The following MATCAP1 variants were observed in gnomAD, a reference collection of about 807,000 sequenced individuals.
MATCAP1 encodes the protein microtubule-associated tyrosine carboxypeptidase 1.
At chr16:67,179,200 A>G in the MATCAP1 span, 1 of 1,356,946 alleles carries the variant, frequency 7.4e-7, no homozygotes, top group East Asian at 2.9e-5. This position sits in a 1 kb window ranked among gnomAD's most constrained non-coding sequence, Gnocchi z 5.2. Context: ...AGAAAAATAT[A>G]CCCGAAAGGA....
At chr16:67,178,188 C>T in the MATCAP1 span, 1 of 1,535,876 alleles carries the variant, frequency 6.5e-7, no homozygotes, top group Non-Finnish European at 8.8e-7. Context: ...CTCCCCCGCG[C>T]TGGCGCACAC....
At chr16:67,176,595 T>G in the MATCAP1 span, 5 of 433,476 alleles carry the variant, frequency 1.2e-5, no homozygotes, top group Non-Finnish European at 2.0e-5. This position sits in a 1 kb window ranked among gnomAD's most constrained non-coding sequence, Gnocchi z 4.3. Flanking sequence ...GCGACTCAGT[T>G]TGCCAGACAT....
At chr16:67,180,609 A>G in the MATCAP1 span, 1 of 1,512,158 alleles carries the variant, frequency 6.6e-7, no homozygotes, top group South Asian at 1.3e-5. Flanking sequence ...GTCCAGCACC[A>G]TTCTGTCCTG....
the MATCAP1 span, chr16:67,180,448 G>C: frequency 2.5e-6 from 4 of 1,609,528 alleles, no homozygotes; most frequent in African/African-American, 2.7e-5. Context: ...TGCAGCGCTG[G>C]GGGGACTGCC....
the MATCAP1 span, chr16:67,180,816 C>T: frequency 4.7e-6 from 2 of 426,794 alleles, no homozygotes; most frequent in Non-Finnish European, 8.2e-6. Context: ...TCCATTGCCT[C>T]CAGCAGACTC....
chr16:67,175,753 T>G, the MATCAP1 span: 1 of 152,222 alleles, frequency 6.6e-6, no homozygotes, highest in Non-Finnish European at 1.5e-5. Flanking sequence ...TTTCTGAGTT[T>G]TACAGATGGG....
chr16:67,180,358 A>T, the MATCAP1 span: 4 of 1,612,668 alleles, frequency 2.5e-6, no homozygotes, highest in South Asian at 4.4e-5. Context: ...CTATTTACAG[A>T]GTAGGTGCTC....
At chr16:67,178,570 C>T in the MATCAP1 span, 5 of 1,392,758 alleles carry the variant, frequency 3.6e-6, no homozygotes, top group East Asian at 5.0e-5. Context: ...CGAGCCCAGC[C>T]CTGGCCCTGT....
the MATCAP1 span, chr16:67,176,678 A>G: frequency 2.4e-6 from 2 of 836,610 alleles, no homozygotes; most frequent in Non-Finnish European, 3.5e-6. The surrounding 1 kb of genome is among the most constrained non-coding windows in gnomAD (Gnocchi z 4.3). Context: ...ACTCCTCCTC[A>G]AGGAATGCTC....
At chr16:67,179,457 A>G in the MATCAP1 span, 3 of 1,612,036 alleles carry the variant, frequency 1.9e-6, no homozygotes, top group Non-Finnish European at 2.5e-6. This position sits in a 1 kb window ranked among gnomAD's most constrained non-coding sequence, Gnocchi z 5.2. Context: ...ATGCCCTCCA[A>G]CCAGTACTGG....
At chr16:67,183,897 G>C in the MATCAP1 span, 1 of 176,620 alleles carries the variant, frequency 5.7e-6, no homozygotes, top group African/African-American at 2.4e-5. Context: ...CTCGCCGCCC[G>C]CCGCTCCCGC....
At chr16:67,179,582 G>C in the MATCAP1 span, 1 of 1,604,074 alleles carries the variant, frequency 6.2e-7, no homozygotes, top group Non-Finnish European at 8.5e-7. This position sits in a 1 kb window ranked among gnomAD's most constrained non-coding sequence, Gnocchi z 5.2. Context: ...GCAGTGCTCT[G>C]AGCCATGGCC....
chr16:67,176,246 G>C, the MATCAP1 span: 2 of 152,848 alleles, frequency 1.3e-5, no homozygotes, highest in African/African-American at 4.8e-5. This position sits in a 1 kb window ranked among gnomAD's most constrained non-coding sequence, Gnocchi z 4.3. Flanking sequence ...TATAAATATG[G>C]AATAAATACA....
chr16:67,181,209 T>G, the MATCAP1 span, among the ~76,000 whole-genome samples: 5 of 152,196 alleles, frequency 3.3e-5, no homozygotes, highest in African/African-American at 4.8e-5. Context: ...TGAGAAGACC[T>G]CAGGGACTGC....
chr16:67,176,716 C>T, the MATCAP1 span: 1 of 1,220,550 alleles, frequency 8.2e-7, no homozygotes, highest in Admixed American at 2.8e-5. This position sits in a 1 kb window ranked among gnomAD's most constrained non-coding sequence, Gnocchi z 4.3. Flanking sequence ...CCAAGAAACA[C>T]CTAGGCCGTG....
At chr16:67,179,812 C>T in the MATCAP1 span, 20 of 1,614,062 alleles carry the variant, frequency 1.2e-5, no homozygotes, top group African/African-American at 2.7e-5. This position sits in a 1 kb window ranked among gnomAD's most constrained non-coding sequence, Gnocchi z 5.2. Flanking sequence ...CAGGCAAGCT[C>T]ACCTCCCCAG....
the MATCAP1 span, among the ~76,000 whole-genome samples, chr16:67,182,768 T>C: frequency 1.3e-5 from 2 of 152,224 alleles, no homozygotes; most frequent in African/African-American, 4.8e-5. Flanking sequence ...ATCAATACCA[T>C]GTTATTAGAA....
chr16:67,178,640 C>T, the MATCAP1 span: 3 of 810,958 alleles, frequency 3.7e-6, no homozygotes, highest in Admixed American at 4.0e-5. Flanking sequence ...AACTCAGGCT[C>T]GCACACAGGC....
chr16:67,180,385 G>A, the MATCAP1 span: 51 of 1,612,796 alleles, frequency 3.2e-5, no homozygotes, highest in African/African-American at 6.1e-4. Context: ...CGACGCATGT[G>A]GCCACGGTGG....
Sources: allele counts gnomAD v4.1 joint callset (sites outside exome capture counted in the v4.1 genomes callset), GRCh38; gene constraint gnomAD v4.1.1; non-coding constraint Gnocchi (gnomAD v3.1); transcripts MANE v1.5; gene names NCBI Gene and HGNC (gene_info 2026-07-23, HGNC 2026-07-21).